The following SKAP1 variants were observed in gnomAD, a reference collection of about 807,000 sequenced individuals.
SKAP1 encodes src kinase-associated phosphoprotein 1.
SKAP1 carries 44 observed loss-of-function variants against 58.5 expected under a neutral mutation model. The observed-to-expected ratio is 0.75, with a 90% CI of 0.59 to 0.97. The LOEUF (loss-of-function observed/expected upper bound fraction) is 0.97. Ranked by LOEUF, SKAP1 falls within the 50% of genes least tolerant of loss-of-function variation. The pLI is 0.00. For synonymous variants in SKAP1, 127 were observed against 149.7 expected (o/e 0.85, Z 1.11); for missense variants, 390 against 435.2 (o/e 0.90, Z 0.92).
chr17:48,193,289 C>T (rs191944219), intron 4 of SKAP1, among the ~76,000 whole-genome samples: 257 of 152,214 alleles, frequency 1.7e-3, no homozygotes, highest in Admixed American at 5.7e-3. Context: ...GGGATCCAGC[C>T]GCCTCGGCCT....
At chr17:48,442,909 A>G in the SKAP1 span, among the ~76,000 whole-genome samples, 1 of 152,074 alleles carries the variant, frequency 6.6e-6, no homozygotes, top group African/African-American at 2.4e-5. Flanking sequence ...CTTCCTCACA[A>G]TGGCTAACAA....
intron 4 of SKAP1, among the ~76,000 whole-genome samples, chr17:48,269,550 T>C (rs1374600102): frequency 4.6e-5 from 7 of 152,222 alleles, no homozygotes. Flanking sequence ...TCGCCCAAAT[T>C]ATTGTGCTCC....
At chr17:48,138,330 G>C (rs2063725661) in intron 11 of SKAP1, among the ~76,000 whole-genome samples, 1 of 150,958 alleles carries the variant, frequency 6.6e-6, no homozygotes, top group Non-Finnish European at 1.5e-5. Context: ...TCAACCTCCT[G>C]AGTAGCTGGG....
At chr17:48,147,367 C>T (rs2063844502) in intron 11 of SKAP1, among the ~76,000 whole-genome samples, 1 of 152,202 alleles carries the variant, frequency 6.6e-6, no homozygotes, top group African/African-American at 2.4e-5. Flanking sequence ...GTAACTTGTA[C>T]TATTCCAGGG....
At chr17:48,381,709 A>G (rs1739122712) in intron 2 of SKAP1, among the ~76,000 whole-genome samples, 1 of 152,210 alleles carries the variant, frequency 6.6e-6, no homozygotes, top group Non-Finnish European at 1.5e-5. Flanking sequence ...TTGGCTATCC[A>G]CTATGTGACA....
intron 4 of SKAP1, among the ~76,000 whole-genome samples, chr17:48,240,349 C>G (rs2065232002): frequency 6.6e-6 from 1 of 152,148 alleles, no homozygotes; most frequent in Admixed American, 6.5e-5. Context: ...CCAAATGTCT[C>G]TCTGTAAACA....
Position 48,359,833 on chromosome 17 carries a change from T to C in SKAP1, c.178+3956A>G, listed in dbSNP as rs548799232. ...GTTGCCCAGATTGATCTCAAACTCCTGGGCTCAAGCAATCTACCTGCTCAG... is the reference window on the plus strand; with the variant it reads ...GTTGCCCAGATTGATCTCAAACTCCCGGGCTCAAGCAATCTACCTGCTCAG... On this transcript the variant is annotated intron_variant, in intron 3 of 12. Coordinates refer to ENST00000336915, the MANE Select transcript of SKAP1 (RefSeq NM_003726.4). Among the ~76,000 whole-genome samples, 584 of 152,198 alleles carry C rather than the reference T, an allele frequency of 3.8e-3. 1 individual carries two copies. Among genetic ancestry groups the C allele is most frequent in the Non-Finnish European group, 7.1e-3 (480 of 68,000 alleles).
At chr17:48,424,535 T>C (rs1027894129) in intron 1 of SKAP1, among the ~76,000 whole-genome samples, 2 of 151,586 alleles carry the variant, frequency 1.3e-5, no homozygotes, top group Admixed American at 1.3e-4. Flanking sequence ...CTCTGGGACC[T>C]CTTTTATAAG....
chr17:48,349,028 T>C (rs1244565499), intron 3 of SKAP1, among the ~76,000 whole-genome samples: 3 of 152,244 alleles, frequency 2.0e-5, no homozygotes, highest in African/African-American at 7.2e-5. Context: ...TAAGTGTTTT[T>C]AGTGTCATAT....
At chr17:48,206,504 C>T (rs1033446308) in intron 4 of SKAP1, among the ~76,000 whole-genome samples, 11 of 151,670 alleles carry the variant, frequency 7.3e-5, no homozygotes, top group South Asian at 2.1e-4. Flanking sequence ...TAAGGGTTGA[C>T]GTAAATAATA....
chr17:48,378,102 TCTC>T (rs531901375), intron 2 of SKAP1, among the ~76,000 whole-genome samples: 178 of 152,188 alleles, frequency 1.2e-3, no homozygotes, highest in African/African-American at 4.1e-3. Flanking sequence ...TTTTAATCAA[TCTC>T]CTCTCCATCT....
chr17:48,374,209 T>G (rs974537191), intron 2 of SKAP1, among the ~76,000 whole-genome samples: 3 of 78,694 alleles, frequency 3.8e-5, no homozygotes, highest in African/African-American at 9.2e-5. Flanking sequence ...TAATTTTTGT[T>G]TTTTTTTTTT....
chr17:48,158,337 G>T (rs2064013450), intron 11 of SKAP1, among the ~76,000 whole-genome samples: 1 of 151,138 alleles, frequency 6.6e-6, no homozygotes, highest in Non-Finnish European at 1.5e-5. Flanking sequence ...ACGAGGTCAG[G>T]AGATCCAGAC....
chr17:48,321,347 C>CATTATTATT (rs59389347), intron 4 of SKAP1, among the ~76,000 whole-genome samples: 58 of 137,564 alleles, frequency 4.2e-4, no homozygotes, highest in Admixed American at 9.6e-4. Context: ...CCTTCTGTCT[C>CATTATTATT]ATTATTATTA....
intron 9 of SKAP1, among the ~76,000 whole-genome samples, chr17:48,171,810 C>A (rs576915896): frequency 1.3e-5 from 2 of 151,746 alleles, no homozygotes; most frequent in Admixed American, 1.3e-4. Flanking sequence ...TGCCTGTAAT[C>A]CCAACACTTT....
rs549948664 is a variant in SKAP1 at position 48,278,671 on chromosome 17, G to A, written c.280+67234C>T. Reference sequence around the variant, plus strand: ...AGGGATGGAGAGTAACAGAAGTATCGGAGAAATACTTACGATGAAGAATTG... The same window carrying A: ...AGGGATGGAGAGTAACAGAAGTATCAGAGAAATACTTACGATGAAGAATTG... On this transcript the variant is annotated intron_variant, in intron 4 of 12. Transcript: ENST00000336915. 3.3e-5 allele frequency among the ~76,000 whole-genome samples: 5 copies of A among 152,266 alleles called. No individual in the cohort carries two copies. The South Asian group carries it at 6.2e-4, about 19-fold the overall frequency.
chr17:48,305,551 G>A (rs9900461), intron 4 of SKAP1, among the ~76,000 whole-genome samples: 1 of 152,068 alleles, frequency 6.6e-6, no homozygotes, highest in East Asian at 1.9e-4. Context: ...AAAGTCTAAA[G>A]CTAGATTAGC....
intron 1 of SKAP1, among the ~76,000 whole-genome samples, chr17:48,403,338 A>T (rs891027156): frequency 1.3e-5 from 2 of 152,054 alleles, no homozygotes; most frequent in African/African-American, 4.8e-5. Context: ...ACTGCATTCC[A>T]GCTGGGTGAC....
intron 11 of SKAP1, among the ~76,000 whole-genome samples, chr17:48,145,565 T>C (rs575268004): frequency 2.0e-5 from 3 of 152,266 alleles, no homozygotes; most frequent in East Asian, 1.9e-4. Context: ...TTCAGGACTA[T>C]CATGGACCTC....
Sources: gnomAD v4.1 joint callset for allele counts (sites outside exome capture counted in the v4.1 genomes callset) on GRCh38, gnomAD v4.1.1 for gene constraint, MANE v1.5 for transcripts, NCBI Gene and HGNC (gene_info 2026-07-23, HGNC 2026-07-21) for gene names.